The following FUT8 variants were observed in gnomAD, a reference collection of about 807,000 sequenced individuals.
The protein encoded by FUT8 is fucosyltransferase 8.
A neutral mutation model predicts 71.3 loss-of-function variants in FUT8; 29 were observed. The ratio of observed to expected loss-of-function variants is 0.41; its 90% CI spans 0.30 to 0.55. FUT8 has a LOEUF of 0.55. Among genes scored for constraint, FUT8 ranks in the 20% least tolerant of loss-of-function variants. The pLI is 0.34. For missense variants in FUT8, 544 were observed against 702.1 expected, an observed-to-expected ratio of 0.77 and a Z score of 2.55; for synonymous variants, 254 against 239.3, an observed-to-expected ratio of 1.06 and a Z score of -0.57.
intron 7 of FUT8, 32 bp from the exon 8 acceptor site, chr14:65,721,743 G>A (rs1165019071): frequency 6.2e-7 from 1 of 1,610,260 alleles, no homozygotes; most frequent in South Asian, 1.1e-5. Context: ...GGAATACCAT[G>A]TGGTAATGAT....
chr14:65,640,610 G>A (rs1433487700), intron 6 of FUT8, among the ~76,000 whole-genome samples: 1 of 151,948 alleles, frequency 6.6e-6, no homozygotes, highest in Non-Finnish European at 1.5e-5. Flanking sequence ...TCATATTTGT[G>A]TTCTCTAACA....
In FUT8 at chr14:65,483,145, C is replaced by T. The variant is rs2066357199; in HGVS notation, c.-228+27427C>T. On this transcript the variant is annotated intron_variant, in intron 2 of 10. Coordinates refer to ENST00000673929, the MANE Select transcript of FUT8 (RefSeq NM_001371533.1). The surrounding 1 kb of genome is among the most constrained non-coding windows in gnomAD (Gnocchi z 4.4). Reference sequence around the variant, plus strand: ...TAAAGAATGGATTTCTGGCAAGTTCCACAAGGTAGACTTCCAGTAAGTTCT... The same window carrying T: ...TAAAGAATGGATTTCTGGCAAGTTCTACAAGGTAGACTTCCAGTAAGTTCT... Among the ~76,000 whole-genome samples, 1 of 152,168 alleles carries T rather than the reference C, an allele frequency of 6.6e-6. No individual in the cohort carries two copies. Among genetic ancestry groups the T allele is most frequent in the Non-Finnish European group, 1.5e-5 (1 of 68,040 alleles).
chr14:65,637,844 C>T (rs900413463), intron 6 of FUT8, among the ~76,000 whole-genome samples: 1 of 152,096 alleles, frequency 6.6e-6, no homozygotes, highest in African/African-American at 2.4e-5. Context: ...AGGAAGTCGT[C>T]GTGGATTTTG....
intron 1 of FUT8, among the ~76,000 whole-genome samples, chr14:65,444,944 G>A (rs746040848): frequency 4.6e-5 from 7 of 152,080 alleles, no homozygotes; most frequent in South Asian, 4.2e-4. Flanking sequence ...GGTGGCTCAC[G>A]CCTGTAATCC....
chr14:65,418,594 C>T (rs2065251428), intron 1 of FUT8, among the ~76,000 whole-genome samples: 1 of 152,078 alleles, frequency 6.6e-6, no homozygotes, highest in Admixed American at 6.6e-5. Flanking sequence ...TCTGTATTGT[C>T]TGGGACCTTG....
intron 2 of FUT8, among the ~76,000 whole-genome samples, chr14:65,493,640 TTTACCCTCTG>T (rs2066516586): frequency 6.6e-6 from 1 of 152,118 alleles, no homozygotes; most frequent in Non-Finnish European, 1.5e-5. Context: ...AATAATAGTA[TTTACCCTCTG>T]TTACAGAAAA....
upstream of FUT8, chr14:65,411,785 CG>C (rs1316543790): frequency 1.5e-5 from 5 of 334,880 alleles, no homozygotes; most frequent in Admixed American, 1.8e-4. Context: ...GCTCATCTTC[CG>C]GCCCTCTGAT....
intron 6 of FUT8, among the ~76,000 whole-genome samples, chr14:65,647,328 C>T (rs989969360): frequency 6.6e-6 from 1 of 152,192 alleles, no homozygotes; most frequent in African/African-American, 2.4e-5. Context: ...GCTGCCATTT[C>T]TGAGCACTTT....
chr14:65,696,167 C>T (rs957114564), intron 7 of FUT8, among the ~76,000 whole-genome samples: 1 of 152,126 alleles, frequency 6.6e-6, no homozygotes, highest in Non-Finnish European at 1.5e-5. Context: ...AAAAAGATTT[C>T]ATTTATACCT....
At chr14:65,703,173 G>A (rs552034719) in intron 7 of FUT8, among the ~76,000 whole-genome samples, 118 of 152,350 alleles carry the variant, frequency 7.7e-4, no homozygotes, top group African/African-American at 2.6e-3. Flanking sequence ...ATGAGAAATT[G>A]TATGAGAAAC....
chr14:65,388,706 G>T, the FUT8 span, among the ~76,000 whole-genome samples: 1 of 152,104 alleles, frequency 6.6e-6, no homozygotes, highest in Non-Finnish European at 1.5e-5. Flanking sequence ...AGGTTGCAGG[G>T]AGCTGAGATC....
the FUT8 span, among the ~76,000 whole-genome samples, chr14:65,360,391 G>A: frequency 7.2e-5 from 11 of 152,220 alleles, no homozygotes; most frequent in African/African-American, 2.7e-4. Flanking sequence ...TATGGAGTAA[G>A]AAGACAAACA....
the FUT8 span, among the ~76,000 whole-genome samples, chr14:65,404,317 G>A: frequency 6.6e-6 from 1 of 150,786 alleles, no homozygotes; most frequent in Non-Finnish European, 1.5e-5. Context: ...GATTACAGGC[G>A]CCCACCATAG....
rs1896581370 is a variant in FUT8 at position 65,743,009 on chromosome 14, G to A, written c.*599G>A. On this transcript the variant is annotated 3_prime_UTR_variant, in exon 11 of 11. Transcript: ENST00000673929. Reference sequence around the variant, plus strand: ...TTCATTGACCTCATCATTAATAAGTGAAGAATACATCAGAAAATAAAATAT... The same window carrying A: ...TTCATTGACCTCATCATTAATAAGTAAAGAATACATCAGAAAATAAAATAT... The A allele has an allele frequency of 6.7e-6, 1 of 150,012 alleles. No individual in the cohort carries two copies. Among genetic ancestry groups the A allele is most frequent in the Non-Finnish European group, 1.5e-5 (1 of 67,518 alleles). The allele number at this position is 150,012 out of a possible 1,614,324, so 9.3% of individuals were successfully genotyped here.
intron 6 of FUT8, among the ~76,000 whole-genome samples, chr14:65,641,220 A>G (rs962153367): frequency 6.6e-6 from 1 of 152,144 alleles, no homozygotes; most frequent in Non-Finnish European, 1.5e-5. Context: ...GCTTTCTATC[A>G]TTATAGATGA....
Position 65,616,236 on chromosome 14 carries a change from G to A in FUT8, c.345G>A (p.Leu115=), listed in dbSNP as rs1173177560. 4.3e-6 allele frequency: 7 copies of A among 1,609,244 alleles called. No individual in the cohort carries two copies. Among genetic ancestry groups the A allele is most frequent in the Non-Finnish European group, 5.9e-6 (7 of 1,177,952 alleles). ...RNGLGKDHEI[L]RRRIENGAKE... ...GTCTGGGGAAGGATCATGAAATCCT[G>A]AGGAGGAGGATTGAAAATGGAGCTA... Residue 115 remains leucine (L), a synonymous_variant, in exon 5 of 11, where the codon CTG becomes CTA. Coordinates refer to ENST00000673929, the MANE Select transcript of FUT8 (RefSeq NM_001371533.1).
At chr14:65,561,904 C>G (rs184359007) in intron 3 of FUT8, 138 bp downstream of exon 3, 1 of 723,646 alleles carries the variant, frequency 1.4e-6, no homozygotes, top group African/African-American at 1.8e-5. Context: ...TGACAGTTTT[C>G]TATCTCTGTG....
intron 6 of FUT8, among the ~76,000 whole-genome samples, chr14:65,640,826 A>C (rs1019356084): frequency 6.6e-6 from 1 of 152,178 alleles, no homozygotes; most frequent in Non-Finnish European, 1.5e-5. Flanking sequence ...TAAATACTCC[A>C]TAAATATTTT....
chr14:65,453,067 A>C, intron 1 of FUT8, among the ~76,000 whole-genome samples: 1 of 151,722 alleles, frequency 6.6e-6, no homozygotes, highest in East Asian at 1.9e-4. Flanking sequence ...TAATTGATGC[A>C]TATCAGGCAT....
Sources: allele counts gnomAD v4.1 joint callset (sites outside exome capture counted in the v4.1 genomes callset), GRCh38; gene constraint gnomAD v4.1.1; non-coding constraint Gnocchi (gnomAD v3.1); transcripts MANE v1.5; gene names NCBI Gene and HGNC (gene_info 2026-07-23, HGNC 2026-07-21).